Variants in ITGA1 observed in about 807,000 individuals in gnomAD.
The protein encoded by ITGA1 is integrin subunit alpha 1, also known as integrin alpha-1.
Under a neutral mutation model 145.9 loss-of-function variants are expected in ITGA1, and 85 were observed. The observed-to-expected ratio is 0.58, with a 90% CI of 0.49 to 0.70. The LOEUF is 0.70. Ranked by LOEUF, ITGA1 falls within the 30% of genes least tolerant of loss-of-function variation. ITGA1 has a pLI of 0.00. For missense variants in ITGA1, 1,351 were observed against 1,418.7 expected, an observed-to-expected ratio of 0.95 and a Z score of 0.77; for synonymous variants, 520 against 495.3, an observed-to-expected ratio of 1.05 and a Z score of -0.66.
intron 17 of ITGA1, among the ~76,000 whole-genome samples, chr5:52,921,676 A>G (rs1579721606): frequency 1.3e-5 from 2 of 152,198 alleles, no homozygotes; most frequent in African/African-American, 4.8e-5. Context: ...ACTGGTGTTT[A>G]AAGGACTGAA....
In ITGA1 at chr5:52,919,517, A is replaced by G. The variant is rs113741121; in HGVS notation, c.2155+619A>G. On this transcript the variant is annotated intron_variant, in intron 16 of 28. Transcript: ENST00000282588. ...TGAAATATGCTCGAATCAAAGCTAT[A>G]AAGGCCATTGGCTAAAGAAGAGAAA... 5.6e-3 allele frequency among the ~76,000 whole-genome samples: 856 copies of G among 152,234 alleles called. 7 individuals are homozygous for G. Among genetic ancestry groups the G allele is most frequent in the African/African-American group, 0.02 (826 of 41,550 alleles).
At chr5:52,875,910 A>G (rs1561234258) in intron 6 of ITGA1, among the ~76,000 whole-genome samples, 1 of 151,560 alleles carries the variant, frequency 6.6e-6, no homozygotes, top group Non-Finnish European at 1.5e-5. Flanking sequence ...TTTTCCTCTC[A>G]ATTTCTAGGA....
chr5:52,867,703 G>C (rs1749710007), intron 6 of ITGA1, among the ~76,000 whole-genome samples: 1 of 151,906 alleles, frequency 6.6e-6, no homozygotes, highest in Non-Finnish European at 1.5e-5. Flanking sequence ...GATTAAAGCT[G>C]GAAAGAATCT....
intron 1 of ITGA1, among the ~76,000 whole-genome samples, chr5:52,794,639 G>C (rs2111647426): frequency 6.7e-6 from 1 of 149,890 alleles, no homozygotes; most frequent in South Asian, 2.1e-4. Context: ...TAGTGAGTGA[G>C]TACAAGTTCC....
chr5:52,920,494 C>T, intron 17 of ITGA1, 26 bp downstream of exon 17: 2 of 1,546,972 alleles, frequency 1.3e-6, no homozygotes, highest in Non-Finnish European at 1.7e-6. Context: ...ATCGTTGCTG[C>T]CTTATTCCAA....
chr5:52,801,469 G>A, intron 1 of ITGA1: 1 of 1,614,082 alleles, frequency 6.2e-7, no homozygotes, highest in East Asian at 2.2e-5. Context: ...CCCTACTGTG[G>A]CTAGCCGCCT....
At chr5:52,866,941 GT>G (rs1749696399) in intron 6 of ITGA1, 1 of 151,840 alleles carries the variant, frequency 6.6e-6, no homozygotes, top group Non-Finnish European at 1.5e-5. Context: ...CTAAAAGATT[GT>G]TGTGTGGTTT....
At chr5:52,936,298 A>G (rs543045543) in intron 23 of ITGA1, among the ~76,000 whole-genome samples, 4 of 152,262 alleles carry the variant, frequency 2.6e-5, no homozygotes, top group African/African-American at 4.8e-5. Flanking sequence ...TTCTAACTGA[A>G]TATCAGGAAA....
At chr5:52,911,042 C>CTATACTG (rs1750510870) in intron 14 of ITGA1, among the ~76,000 whole-genome samples, 1 of 6,508 alleles carries the variant, frequency 1.5e-4, no homozygotes, top group African/African-American at 1.4e-3. Flanking sequence ...ACTGTATATA[C>CTATACTG]TATATATACT....
chr5:52,947,595 G>T (rs1751155211), intron 28 of ITGA1, 134 bp downstream of exon 28: 2 of 612,468 alleles, frequency 3.3e-6, no homozygotes, highest in Non-Finnish European at 5.7e-6. Context: ...GATGACTAAG[G>T]GAAAGAAAAA....
At chr5:52,886,746 C>A (rs1750055843) in intron 7 of ITGA1, among the ~76,000 whole-genome samples, 1 of 152,072 alleles carries the variant, frequency 6.6e-6, no homozygotes, top group Admixed American at 6.5e-5. Flanking sequence ...TCCATAAGTG[C>A]TGTTCAATTA....
At chr5:52,865,183 T>C (rs1749667999) in intron 5 of ITGA1, 101 bp downstream of exon 5, 2 of 818,840 alleles carry the variant, frequency 2.4e-6, no homozygotes, top group Non-Finnish European at 3.8e-6. Context: ...AAGTATTTTC[T>C]TAGCTACCAG....
intron 1 of ITGA1, among the ~76,000 whole-genome samples, chr5:52,822,050 A>G (rs1486798364): frequency 1.3e-5 from 2 of 152,210 alleles, no homozygotes; most frequent in African/African-American, 4.8e-5. Context: ...GAATGGAAGA[A>G]TGTCAACAAC....
In ITGA1 at chr5:52,898,368, C is replaced by T; in HGVS notation, c.1294C>T (p.Leu432Phe). 1 of 1,598,004 alleles carries T rather than the reference C, an allele frequency of 6.3e-7. No individual in the cohort carries two copies. Residue 432 changes from leucine (L) to phenylalanine (F), a missense_variant, in exon 11 of 29, where the codon CTT becomes TTT. By Grantham distance (22) the Leu-to-Phe change is conservative. Coordinates refer to ENST00000282588, the MANE Select transcript of ITGA1 (RefSeq NM_181501.2). The stretch of plus-strand genomic sequence containing the variant: ...TGAGTCTACCAAAAAGAATGAACCG[C>T]TTGCTTCTTATTTAGGTAAGGTTTG... The part of the protein sequence containing the change: ...NVESTKKNEP[L>F]ASYLGYTVNS...
chr5:52,949,500 A>G (rs1751186553), intron 28 of ITGA1, among the ~76,000 whole-genome samples: 1 of 152,168 alleles, frequency 6.6e-6, no homozygotes, highest in Non-Finnish European at 1.5e-5. Flanking sequence ...ATTAAAGCAA[A>G]GGGAGGTAAA....
chr5:52,880,854 T>C (rs1481933097), intron 6 of ITGA1, among the ~76,000 whole-genome samples: 1 of 152,186 alleles, frequency 6.6e-6, no homozygotes, highest in Non-Finnish European at 1.5e-5. Flanking sequence ...AGTCACAATT[T>C]TTAATGCAGA....
chr5:52,871,266 A>T (rs1189453822), intron 6 of ITGA1, among the ~76,000 whole-genome samples: 1 of 152,200 alleles, frequency 6.6e-6, no homozygotes, highest in Admixed American at 6.5e-5. Flanking sequence ...CATTTGGTAC[A>T]GCCTAAATTA....
In ITGA1 at chr5:52,920,484, AT is replaced by A; in HGVS notation, c.2292+17del. ...CTACATGTTGGCAAGTAAATCATAT[AT>A]CGTTGCTGCCTTATTCCAAATCAAG... On this transcript the variant is annotated intron_variant, in intron 17 of 28. Transcript: ENST00000282588. The A allele has an allele frequency of 6.3e-7, 1 of 1,580,776 alleles. No homozygotes were observed. The highest frequency in any genetic ancestry group is 1.9e-5 in the Admixed American group (1 of 53,350).
At chr5:52,911,759 G>A (rs1750546179) in intron 14 of ITGA1, among the ~76,000 whole-genome samples, 2 of 107,504 alleles carry the variant, frequency 1.9e-5, no homozygotes, top group African/African-American at 6.2e-5. Context: ...TACATATAGT[G>A]TATCTACTAT....
Sources: gnomAD v4.1 joint callset for allele counts (sites outside exome capture counted in the v4.1 genomes callset) on GRCh38, gnomAD v4.1.1 for gene constraint, MANE v1.5 for transcripts, NCBI Gene and HGNC (gene_info 2026-07-23, HGNC 2026-07-21) for gene names.